BUB1: variants seen among roughly 807,000 people sequenced by gnomAD.
BUB1 encodes mitotic checkpoint serine/threonine-protein kinase BUB1.
Under a neutral mutation model 135.2 loss-of-function variants are expected in BUB1, and 84 were observed. That is an observed-to-expected ratio of 0.62 (90% CI 0.52 to 0.74). The LOEUF is 0.74. Among genes scored for constraint, BUB1 ranks in the 30% least tolerant of loss-of-function variants. BUB1 has a pLI of 0.00. For missense variants in BUB1, 1,162 were observed against 1,288.3 expected (o/e 0.90, Z 1.50); for synonymous variants, 403 against 434.4 (o/e 0.93, Z 0.90).
At chr2:110,647,854 C>T (rs1204194936) in intron 19 of BUB1, among the ~76,000 whole-genome samples, 2 of 152,246 alleles carry the variant, frequency 1.3e-5, no homozygotes, top group East Asian at 3.9e-4. Context: ...ATTGAGATAT[C>T]ACTGTTCACG....
Position 110,670,437 on chromosome 2 carries a change from C to T in BUB1, c.466+88G>A, listed in dbSNP as rs530772407. ...ACAGGTGTGAGCCACCATGCCCAGC[C>T]GGGTTTGTTTTTTAAAGAAAAGAAA... On this transcript the variant is annotated intron_variant, in intron 5 of 24. Coordinates refer to ENST00000302759, the MANE Select transcript of BUB1 (RefSeq NM_004336.5). 106 of 1,475,248 alleles carry T rather than the reference C, an allele frequency of 7.2e-5. 2 individuals carry two copies. The highest frequency in any genetic ancestry group is 1.3e-4 in the South Asian group (11 of 87,792). 91.4% of individuals were successfully genotyped at this position (1,475,248 alleles called of 1,614,324 possible). A position where few individuals can be genotyped will look rare whatever the true frequency, so the allele number is the denominator to read the frequency against.
At chr2:110,672,226 C>CA (rs879401301) in intron 4 of BUB1, among the ~76,000 whole-genome samples, 36 of 141,272 alleles carry the variant, frequency 2.5e-4, no homozygotes, top group East Asian at 6.1e-4. Flanking sequence ...GACTCCATCT[C>CA]AAAAAAAAAA....
chr2:110,665,200 T>C (rs1325035147), intron 9 of BUB1, among the ~76,000 whole-genome samples: 2 of 152,236 alleles, frequency 1.3e-5, no homozygotes, highest in Non-Finnish European at 2.9e-5. Flanking sequence ...CTTATTTATG[T>C]AGAACGTTCT....
chr2:110,639,649 T>C, intron 24 of BUB1, 93 bp downstream of exon 24: 4 of 1,039,072 alleles, frequency 3.8e-6, no homozygotes, highest in Non-Finnish European at 5.9e-6. Context: ...TTCCATGCGG[T>C]GGCAGAGATC....
chr2:110,641,970 A>T, intron 20 of BUB1, 149 bp downstream of exon 20: 1 of 1,016,250 alleles, frequency 9.8e-7, no homozygotes, highest in Non-Finnish European at 1.4e-6. Flanking sequence ...TGGGAAAAAA[A>T]TTCTAAATCT....
At chr2:110,665,026 C>T (rs557647197) in intron 9 of BUB1, among the ~76,000 whole-genome samples, 48 of 152,284 alleles carry the variant, frequency 3.2e-4, no homozygotes, top group African/African-American at 1.1e-3. Context: ...ATTTTAGGTA[C>T]ATACACTTGA....
At position 110,642,179 on chromosome 2, in the gene BUB1, C is replaced by T. The variant is rs771426020; in HGVS notation, c.2403G>A (p.Val801=). 6.2e-7 allele frequency: 1 copy of T among 1,613,800 alleles called. No homozygotes were observed. Among genetic ancestry groups the T allele is most frequent in the East Asian group, 2.2e-5 (1 of 44,860 alleles). Residue 801 remains valine, a synonymous_variant, in exon 20 of 25, where the codon GTG becomes GTA. Coordinates refer to ENST00000302759, the MANE Select transcript of BUB1 (RefSeq NM_004336.5). ...TCAGATCTCCCTGGGTAGCTTCGTA[C>T]ACCTGGGCAAAGGCTCCTTCTCCAA... ...HLLGEGAFAQ[V]YEATQGDLND...
Position 110,660,016 on chromosome 2 carries a change from T to C in BUB1, c.1238A>G (p.His413Arg). The change falls in exon 11 of 25, where the codon CAT (histidine) becomes CGT (arginine). Residue 413 changes from histidine to arginine, a missense_variant. By Grantham distance (29) the His-to-Arg change is conservative. Coordinates refer to ENST00000302759, the MANE Select transcript of BUB1 (RefSeq NM_004336.5). ...KDAGCVNKST[H>R]EFKPQSGAEI... Reference sequence around the variant, plus strand: ...TGCTCCACTCTGTGGCTTGAATTCATGAGTACTCTTATTCACACATCTGGA... The same window carrying C: ...TGCTCCACTCTGTGGCTTGAATTCACGAGTACTCTTATTCACACATCTGGA... 6.2e-6 allele frequency: 10 copies of C among 1,611,774 alleles called. No homozygotes were observed. Among genetic ancestry groups the C allele is most frequent in the Non-Finnish European group, 8.5e-6 (10 of 1,178,090 alleles).
intron 16 of BUB1, 43 bp from the exon 17 acceptor site, chr2:110,653,566 A>G (rs752381149): frequency 6.7e-7 from 1 of 1,501,136 alleles, no homozygotes; most frequent in African/African-American, 1.4e-5. Flanking sequence ...TTAGATGCAC[A>G]TGTGTGCACA....
chr2:110,666,684 A>G (rs1690265624), intron 8 of BUB1, among the ~76,000 whole-genome samples: 1 of 152,090 alleles, frequency 6.6e-6, no homozygotes, highest in African/African-American at 2.4e-5. Flanking sequence ...GTATAATAGT[A>G]AAGATTTTTG....
chr2:110,672,761 GC>G lies in BUB1; in HGVS notation c.321del (p.His108IlefsTer61). 6.2e-7 allele frequency: 1 copy of G among 1,614,130 alleles called. No homozygotes were observed. The highest frequency in any genetic ancestry group is 8.5e-7 in the Non-Finnish European group (1 of 1,180,004). On this transcript the variant is annotated frameshift_variant, in exon 4 of 25. Coordinates refer to ENST00000302759, the MANE Select transcript of BUB1 (RefSeq NM_004336.5). LOFTEE classifies it high-confidence loss of function. ...LSSPLYIAWA[G>X]HLEAQGELQH... ...TGCAGCTCTCCTTGGGCTTCCAGAT[GC>G]CCCGCCCAGGCAATGTACAGAGGGG...
intron 19 of BUB1, 82 bp from the exon 20 acceptor site, chr2:110,642,316 A>AT (rs1257957632): frequency 1.1e-6 from 1 of 945,638 alleles, no homozygotes; most frequent in African/African-American, 1.7e-5. Context: ...TTACAAAGAC[A>AT]TAGAGTTTTC....
intron 1 of BUB1, chr2:110,675,162 GA>G (rs947608392): frequency 6.6e-6 from 1 of 152,280 alleles, no homozygotes; most frequent in Non-Finnish European, 1.5e-5. Flanking sequence ...AACTACAGCT[GA>G]AAAAAAGCAG....
Position 110,661,436 on chromosome 2 carries a change from T to G in BUB1, c.1217+146A>C, listed in dbSNP as rs1189090640. 1.4e-5 allele frequency: 14 copies of G among 1,000,990 alleles called. No homozygotes were observed. In the East Asian group the frequency reaches 1.9e-4, roughly 13 times the overall value. The allele number at this position is 1,000,990 out of a possible 1,614,324, so 62.0% of individuals were successfully genotyped here. A position where few individuals can be genotyped will look rare whatever the true frequency, so the allele number is the denominator to read the frequency against. Reference sequence around the variant, plus strand: ...AGGATTGGGAGCAATGTTTTGCCACTTGCTTTTTCAACAACATACCTATCT... The same window carrying G: ...AGGATTGGGAGCAATGTTTTGCCACGTGCTTTTTCAACAACATACCTATCT... On this transcript the variant is annotated intron_variant, in intron 10 of 24. Coordinates refer to ENST00000302759, the MANE Select transcript of BUB1 (RefSeq NM_004336.5).
At position 110,637,928 on chromosome 2, in the gene BUB1, A is replaced by T; in HGVS notation, c.*36T>A. On this transcript the variant is annotated 3_prime_UTR_variant, in exon 25 of 25. Transcript: ENST00000302759. ...GTTTAAAGTGAGCAGATTCATATTT[A>T]CAGTGTGATTTTTAAGGACTGTCTA... 7.6e-7 allele frequency: 1 copy of T among 1,321,568 alleles called. No individual in the cohort carries two copies. The highest frequency in any genetic ancestry group is 2.7e-4 in the Middle Eastern group (1 of 3,756). The allele number at this position is 1,321,568 out of a possible 1,614,324, so 81.9% of individuals were successfully genotyped here. A position where few individuals can be genotyped will look rare whatever the true frequency, so the allele number is the denominator to read the frequency against.
At chr2:110,649,761 T>A (rs1689732825) in intron 18 of BUB1, among the ~76,000 whole-genome samples, 1 of 152,216 alleles carries the variant, frequency 6.6e-6, no homozygotes, top group African/African-American at 2.4e-5. Flanking sequence ...ATTATTTAAT[T>A]TCTTTTCCAC....
In BUB1 at chr2:110,674,310, C is replaced by T; in HGVS notation, c.82G>A (p.Glu28Lys). Reference protein sequence around the residue: ...YKGNDPLGEWERYIQWVEENF... With the variant: ...YKGNDPLGEWKRYIQWVEENF... ...ATAAAATAACTAAATGCTGACCTTT[C>T]CCATTCACCAAGAGGGTCATTGCCC... The change falls in exon 2 of 25, where the codon GAA becomes AAA. Residue 28 changes from glutamate to lysine, a missense_variant. Transcript: ENST00000302759. 1 of 1,614,026 alleles carries T rather than the reference C, an allele frequency of 6.2e-7. No homozygotes were observed. The highest frequency in any genetic ancestry group is 1.3e-5 in the African/African-American group (1 of 75,026).
intron 14 of BUB1, 83 bp from the exon 15 acceptor site, chr2:110,657,200 T>A: frequency 8.6e-7 from 1 of 1,165,660 alleles, no homozygotes. Flanking sequence ...AAAAGTTCTC[T>A]ACTTATCCTA....
intron 16 of BUB1, among the ~76,000 whole-genome samples, chr2:110,655,523 T>A (rs1689905714): frequency 6.6e-6 from 1 of 152,284 alleles, no homozygotes; most frequent in Non-Finnish European, 1.5e-5. Flanking sequence ...GCTATTATAT[T>A]TTAAAAATAC....
Sources: gnomAD v4.1 joint callset for allele counts (sites outside exome capture counted in the v4.1 genomes callset) on GRCh38, gnomAD v4.1.1 for gene constraint, MANE v1.5 for transcripts, NCBI Gene and HGNC (gene_info 2026-07-23, HGNC 2026-07-21) for gene names.